RFX8: variants seen among roughly 807,000 people sequenced by gnomAD.
RFX8 encodes DNA-binding protein RFX8.
In RFX8, 46 loss-of-function variants were observed where a neutral mutation model predicts 54.6. The ratio of observed to expected loss-of-function variants is 0.84; its 90% CI spans 0.67 to 1.08. The LOEUF is 1.08. Among genes scored for constraint, RFX8 ranks in the 50% least tolerant of loss-of-function variants. The probability of loss-of-function intolerance (pLI) is 0.00; values close to 1 mark genes in which losing one functional copy is unlikely to be tolerated. For synonymous variants in RFX8, 192 were observed against 209.5 expected (o/e 0.92, Z 0.72); for missense variants, 536 against 562.3 (o/e 0.95, Z 0.47).
intron 11 of RFX8, among the ~76,000 whole-genome samples, chr2:101,401,878 GC>G (rs1685461466): frequency 6.6e-6 from 1 of 152,120 alleles, no homozygotes; most frequent in South Asian, 2.1e-4. Flanking sequence ...AAGTCACTCA[GC>G]TTCTGTGAGC....
At chr2:101,468,119 A>G (rs1200108493) in intron 1 of RFX8, among the ~76,000 whole-genome samples, 1 of 151,996 alleles carries the variant, frequency 6.6e-6, no homozygotes, top group African/African-American at 2.4e-5. Flanking sequence ...GGCTTCCCAG[A>G]AAAAAAGACA....
At chr2:101,397,827 A>C in intron 11 of RFX8, 103 bp from the exon 12 acceptor site, 2 of 920,796 alleles carry the variant, frequency 2.2e-6, no homozygotes. Flanking sequence ...CCGTGCTCCC[A>C]CCCTGGGATG....
chr2:101,432,168 C>T (rs1687522282), intron 2 of RFX8, among the ~76,000 whole-genome samples: 1 of 152,182 alleles, frequency 6.6e-6, no homozygotes, highest in Non-Finnish European at 1.5e-5. Flanking sequence ...TGGCTTACAA[C>T]ACGGGTCAAC....
intron 2 of RFX8, among the ~76,000 whole-genome samples, chr2:101,431,321 T>C (rs1006447837): frequency 1.3e-5 from 2 of 152,116 alleles, no homozygotes; most frequent in African/African-American, 4.8e-5. Flanking sequence ...CACAAAGATG[T>C]TGGGTGAGGG....
At chr2:101,454,322 G>T (rs1688853171) in intron 2 of RFX8, among the ~76,000 whole-genome samples, 1 of 152,176 alleles carries the variant, frequency 6.6e-6, no homozygotes, top group African/African-American at 2.4e-5. Context: ...TTGGTTTCAA[G>T]TCTTTGCTAT....
intron 8 of RFX8, among the ~76,000 whole-genome samples, chr2:101,411,946 G>A (rs530575525): frequency 2.3e-4 from 35 of 152,300 alleles, no homozygotes; most frequent in Non-Finnish European, 3.7e-4. Flanking sequence ...GTCAAGTCAC[G>A]AAACACTGAA....
At chr2:101,420,336 G>C (rs1686792915) in intron 4 of RFX8, among the ~76,000 whole-genome samples, 1 of 152,140 alleles carries the variant, frequency 6.6e-6, no homozygotes, top group Admixed American at 6.6e-5. Flanking sequence ...GAGGTCAGGA[G>C]TTTGAGAACA....
chr2:101,474,586 C>T (rs1448269227), intron 1 of RFX8, 50 bp downstream of exon 1: 1 of 271,666 alleles, frequency 3.7e-6, no homozygotes. Context: ...CCCTTCCCAC[C>T]GGCGTAGCAA....
intron 2 of RFX8, among the ~76,000 whole-genome samples, chr2:101,427,183 A>T (rs1035542633): frequency 6.6e-6 from 1 of 152,034 alleles, no homozygotes; most frequent in Non-Finnish European, 1.5e-5. Flanking sequence ...AGGCCCCTCC[A>T]CCCCAAAAAT....
chr2:101,457,146 CA>C, intron 2 of RFX8, among the ~76,000 whole-genome samples: 1 of 152,116 alleles, frequency 6.6e-6, no homozygotes, highest in East Asian at 1.9e-4. Context: ...TTGATCTTTT[CA>C]AAAAACCAGC....
intron 1 of RFX8, among the ~76,000 whole-genome samples, chr2:101,473,056 G>T (rs1202351468): frequency 6.6e-6 from 1 of 152,016 alleles, no homozygotes; most frequent in Non-Finnish European, 1.5e-5. Flanking sequence ...GGAAAAGAAA[G>T]TTTACAAATC....
intron 2 of RFX8, chr2:101,429,092 T>C: frequency 1.1e-6 from 1 of 923,666 alleles, no homozygotes. Context: ...CGAAGTTTCT[T>C]TTGCAGCAAG....
chr2:101,405,986 A>G lies in RFX8; in HGVS notation c.885T>C (p.Thr295=). Residue 295 remains threonine (T), a synonymous_variant, in exon 10 of 12, where the codon ACT becomes ACC. Transcript: ENST00000428343. ...SFQLRWNLLL[T]AVSKAMTLCH... is the part of the protein sequence containing the mutation. ...AGAGGGTCATGGCTTTGCTTACAGC[A>G]GTGAGAAGAAGATTCCATCTCAGCT... is the stretch of plus-strand genomic sequence containing the variant. The G allele has an allele frequency of 1.3e-6, 2 of 1,549,320 alleles. No individual in the cohort carries two copies. Among genetic ancestry groups the G allele is most frequent in the Non-Finnish European group, 1.7e-6 (2 of 1,145,942 alleles).
rs1444886569 is a variant in RFX8, at chr2:101,405,971, G to C, written c.900C>G (p.Ala300=). The change falls in exon 10 of 12, where the codon GCC becomes GCG. Residue 300 remains alanine (A), a synonymous_variant. Transcript: ENST00000428343. ...WNLLLTAVSK[A]MTLCHRDSFG... ...AACTATCTCTGTGGCAGAGGGTCAT[G>C]GCTTTGCTTACAGCAGTGAGAAGAA... The C allele has an allele frequency of 1.3e-6, 2 of 1,545,730 alleles. No individual in the cohort carries two copies. The highest frequency in any genetic ancestry group is 2.0e-5 in the Admixed American group (1 of 50,102).
At chr2:101,426,903 CCTT>C (rs1687204508) in intron 2 of RFX8, among the ~76,000 whole-genome samples, 1 of 152,206 alleles carries the variant, frequency 6.6e-6, no homozygotes, top group Non-Finnish European at 1.5e-5. Context: ...CTGTCACTCT[CCTT>C]CTGAAGATGC....
intron 2 of RFX8, among the ~76,000 whole-genome samples, chr2:101,445,147 C>CTACCTCACCTCTGTGTTCAGG (rs2148963751): frequency 6.6e-6 from 1 of 152,324 alleles, no homozygotes; most frequent in East Asian, 1.9e-4. Context: ...TCTCTAACCT[C>CTACCTCACCTCTGTGTTCAGG]TACCTCACCT....
Position 101,406,036 on chromosome 2 carries a change from ACTC to A in RFX8, c.832_834del (p.Glu278del), listed in dbSNP as rs776146862. 3 of 1,546,020 alleles carry A rather than the reference ACTC, an allele frequency of 1.9e-6. No individual in the cohort carries two copies. Among genetic ancestry groups the A allele is most frequent in the Middle Eastern group, 1.7e-4 (1 of 5,974 alleles). ...TGGAAGCTGGCGGCCAATTTGGTAA[ACTC>A]TTCTTTGCTTCTGCTTGTCTGTTAA... On this transcript the variant is annotated inframe_deletion, in exon 10 of 12. Transcript: ENST00000428343.
intron 2 of RFX8, among the ~76,000 whole-genome samples, chr2:101,431,199 G>C (rs566750472): frequency 6.6e-6 from 1 of 152,258 alleles, no homozygotes; most frequent in East Asian, 1.9e-4. Context: ...CTGAATGTCA[G>C]GCATTGTGCC....
intron 9 of RFX8, among the ~76,000 whole-genome samples, chr2:101,409,364 A>G (rs760378994): frequency 1.2e-4 from 19 of 152,080 alleles, no homozygotes; most frequent in African/African-American, 4.3e-4. Flanking sequence ...CTGGGACTAC[A>G]GGCGCATGAC....
Sources: allele counts gnomAD v4.1 joint callset (sites outside exome capture counted in the v4.1 genomes callset), GRCh38; gene constraint gnomAD v4.1.1; transcripts MANE v1.5; gene names NCBI Gene and HGNC (gene_info 2026-07-23, HGNC 2026-07-21).